GRID2: variants seen among roughly 807,000 people sequenced by gnomAD.
GRID2 encodes glutamate receptor ionotropic, delta-2.
In GRID2, 33 loss-of-function variants were observed where a neutral mutation model predicts 114.8. The ratio of observed to expected loss-of-function variants is 0.29; its 90% CI spans 0.22 to 0.38. GRID2 has a LOEUF of 0.38. Ranked by LOEUF, GRID2 falls within the 10% of genes least tolerant of loss-of-function variation. The probability of loss-of-function intolerance (pLI) is 1.00; values close to 1 mark genes in which losing one functional copy is unlikely to be tolerated. For missense variants in GRID2, 1,184 were observed against 1,257.7 expected (o/e 0.94, Z 0.89); for synonymous variants, 505 against 449.9 (o/e 1.12, Z -1.55).
rs10706922 is a variant in GRID2, at chr4:93,075,883, C to CTTTTTTTTT, written c.245-9082_245-9074dup. 2.1e-4 allele frequency among the ~76,000 whole-genome samples: 16 copies of CTTTTTTTTT among 76,602 alleles called. 2 individuals are homozygous for CTTTTTTTTT. Among genetic ancestry groups the CTTTTTTTTT allele is most frequent in the African/African-American group, 3.2e-4 (6 of 18,748 alleles). The allele number at this position is 76,602 out of a possible 152,430, so 50.3% of individuals were successfully genotyped here. On this transcript the variant is annotated intron_variant, in intron 2 of 15. Coordinates refer to ENST00000282020, the MANE Select transcript of GRID2 (RefSeq NM_001510.4). ...GTATTGGGATGTCGAAGTTACCTCT[C>CTTTTTTTTT]TTTTTTTTTTTTTTTTTTTTTTTTT... is the stretch of plus-strand genomic sequence containing the variant.
intron 2 of GRID2, among the ~76,000 whole-genome samples, chr4:93,042,271 CTCTT>C (rs1464550445): frequency 3.6e-4 from 29 of 81,402 alleles, no homozygotes; most frequent in African/African-American, 7.2e-4. Context: ...CTCTCTCTCT[CTCTT>C]TCTCTCTCTC....
intron 2 of GRID2, among the ~76,000 whole-genome samples, chr4:92,698,678 C>T (rs1362928830): frequency 6.6e-6 from 1 of 151,460 alleles, no homozygotes; most frequent in African/African-American, 2.4e-5. Flanking sequence ...AAAGAAGCTT[C>T]TTTGAAATAA....
chr4:92,511,602 C>T (rs1002343892), intron 1 of GRID2, among the ~76,000 whole-genome samples: 48 of 151,862 alleles, frequency 3.2e-4, no homozygotes, highest in African/African-American at 1.0e-3. Context: ...GATAAATAAT[C>T]GTTGCATTCA....
At chr4:93,038,143 G>A (rs1336515812) in intron 2 of GRID2, among the ~76,000 whole-genome samples, 1 of 151,970 alleles carries the variant, frequency 6.6e-6, no homozygotes, top group Non-Finnish European at 1.5e-5. Context: ...TTGAGCAGTG[G>A]TTTGTAGTTC....
intron 1 of GRID2, among the ~76,000 whole-genome samples, chr4:92,537,784 G>GGGGTGTGTGT (rs560095688): frequency 2.4e-5 from 3 of 125,934 alleles, no homozygotes; most frequent in East Asian, 2.5e-4. Flanking sequence ...AAAAACTTGC[G>GGGGTGTGTGT]GTGTGTGTGT....
At chr4:92,946,639 A>G (rs1026547547) in intron 2 of GRID2, among the ~76,000 whole-genome samples, 1 of 152,114 alleles carries the variant, frequency 6.6e-6, no homozygotes, top group African/African-American at 2.4e-5. Context: ...ATATCCAGCA[A>G]TGAATGCTTC....
At chr4:92,461,170 T>C (rs1721475538) in intron 1 of GRID2, among the ~76,000 whole-genome samples, 2 of 151,910 alleles carry the variant, frequency 1.3e-5, no homozygotes, top group South Asian at 4.1e-4. Context: ...TTTTATCAGG[T>C]ATACTTATGA....
chr4:92,795,845 TGTG>T (rs1739842173), intron 2 of GRID2, among the ~76,000 whole-genome samples: 1 of 151,978 alleles, frequency 6.6e-6, no homozygotes. Context: ...ATTTATCTGA[TGTG>T]GTGTCTATTA....
intron 1 of GRID2, among the ~76,000 whole-genome samples, chr4:92,352,143 A>G (rs1454251657): frequency 2.6e-5 from 4 of 151,660 alleles, no homozygotes; most frequent in Non-Finnish European, 1.5e-5. Context: ...TTTTCTCCAC[A>G]TCCTCGGCAG....
chr4:92,740,675 AGATAGATAGATAGAT>A (rs1291460082), intron 2 of GRID2, among the ~76,000 whole-genome samples: 1 of 80,264 alleles, frequency 1.2e-5, no homozygotes, highest in East Asian at 5.4e-4. Context: ...TATTCTGCAT[AGATAGATAGATAGAT>A]GATAGATAGA....
At chr4:93,308,151 C>T (rs1690553095) in intron 8 of GRID2, among the ~76,000 whole-genome samples, 1 of 152,152 alleles carries the variant, frequency 6.6e-6, no homozygotes, top group Non-Finnish European at 1.5e-5. Context: ...ACCCTCAGTG[C>T]TCCTATGATT....
intron 1 of GRID2, among the ~76,000 whole-genome samples, chr4:92,545,613 A>G (rs1485875576): frequency 6.6e-6 from 1 of 152,204 alleles, no homozygotes; most frequent in Non-Finnish European, 1.5e-5. Flanking sequence ...TTTAAGTTCT[A>G]GAATTTAAAA....
intron 8 of GRID2, among the ~76,000 whole-genome samples, chr4:93,332,670 G>A (rs904581409): frequency 2.6e-5 from 4 of 152,162 alleles, no homozygotes; most frequent in African/African-American, 9.6e-5. Context: ...GACATGCCAG[G>A]AGATATAAAT....
At chr4:92,542,829 T>C (rs999268160) in intron 1 of GRID2, among the ~76,000 whole-genome samples, 16 of 152,068 alleles carry the variant, frequency 1.1e-4, no homozygotes, top group Non-Finnish European at 1.5e-5. Flanking sequence ...AAATTATTAG[T>C]AAGTAAACAA....
intron 8 of GRID2, among the ~76,000 whole-genome samples, chr4:93,293,236 A>G (rs1469422809): frequency 1.3e-5 from 2 of 152,190 alleles, no homozygotes; most frequent in African/African-American, 4.8e-5. Flanking sequence ...CTAAGTCACT[A>G]CTGTGCTGGT....
chr4:93,076,663 G>A (rs1238053928), intron 2 of GRID2, among the ~76,000 whole-genome samples: 1 of 138,454 alleles, frequency 7.2e-6, no homozygotes, highest in Non-Finnish European at 1.5e-5. Context: ...TGTCACCCAG[G>A]CTGGAGTGCA....
chr4:93,750,424 A>G (rs1732219989), intron 14 of GRID2, among the ~76,000 whole-genome samples: 2 of 152,318 alleles, frequency 1.3e-5, no homozygotes, highest in South Asian at 4.1e-4. Flanking sequence ...ATCACCCAGT[A>G]GGAAATCCCT....
intron 8 of GRID2, among the ~76,000 whole-genome samples, chr4:93,391,119 A>G (rs746358558): frequency 9.2e-5 from 14 of 152,202 alleles, no homozygotes; most frequent in African/African-American, 1.9e-4. Flanking sequence ...TCTTAGGAGC[A>G]TATAATCATC....
intron 2 of GRID2, among the ~76,000 whole-genome samples, chr4:92,840,737 A>T (rs1438782044): frequency 6.6e-6 from 1 of 152,090 alleles, no homozygotes; most frequent in Non-Finnish European, 1.5e-5. Flanking sequence ...TACTGAAAAC[A>T]TACTTAGCCT....
Sources: allele counts gnomAD v4.1 joint callset (sites outside exome capture counted in the v4.1 genomes callset), GRCh38; gene constraint gnomAD v4.1.1; transcripts MANE v1.5; gene names NCBI Gene and HGNC (gene_info 2026-07-23, HGNC 2026-07-21).